The following SORCS2 variants were observed in gnomAD, a reference collection of about 807,000 sequenced individuals.
The protein encoded by SORCS2 is sortilin related VPS10 domain containing receptor 2.
SORCS2 carries 100 observed loss-of-function variants against 141.6 expected under a neutral mutation model. The observed-to-expected ratio is 0.71, with a 90% confidence interval of 0.60 to 0.83. SORCS2 has a LOEUF of 0.83. SORCS2 is among the 40% of genes least tolerant of loss of function. The pLI, the probability that SORCS2 is intolerant of heterozygous loss-of-function variation, is 0.00. For missense variants in SORCS2, 1,646 were observed against 1,560.2 expected, an observed-to-expected ratio of 1.05 and a Z score of -0.93; for synonymous variants, 789 against 676.9, an observed-to-expected ratio of 1.17 and a Z score of -2.57.
intron 1 of SORCS2, among the ~76,000 whole-genome samples, chr4:7,367,662 C>T (rs190182182): frequency 7.1e-4 from 108 of 152,348 alleles, no homozygotes; most frequent in African/African-American, 1.3e-3. Flanking sequence ...CCAGGCCTGA[C>T]GCTTGCATAC....
At chr4:7,565,224 A>G (rs1203009511) in intron 3 of SORCS2, among the ~76,000 whole-genome samples, 1 of 152,150 alleles carries the variant, frequency 6.6e-6, no homozygotes, top group African/African-American at 2.4e-5. Context: ...ACTGTTTCCA[A>G]ACAACTTCCC....
chr4:7,614,826 T>C (rs1212500629), intron 3 of SORCS2, among the ~76,000 whole-genome samples: 1 of 149,238 alleles, frequency 6.7e-6, no homozygotes, highest in Non-Finnish European at 1.5e-5. Flanking sequence ...CACCATCCAT[T>C]CATCCATCCA....
At chr4:7,230,916 A>G (rs1476952468) in intron 1 of SORCS2, among the ~76,000 whole-genome samples, 4 of 152,250 alleles carry the variant, frequency 2.6e-5, no homozygotes, top group African/African-American at 9.6e-5. Context: ...TATGAAGGAG[A>G]TGAAGACACC....
At chr4:7,614,538 A>G (rs192711532) in intron 3 of SORCS2, among the ~76,000 whole-genome samples, 212 of 149,274 alleles carry the variant, frequency 1.4e-3, no homozygotes, top group Non-Finnish European at 2.1e-3. Flanking sequence ...TCCACCATGC[A>G]TTTATCCATC....
At chr4:7,342,795 A>C (rs991176462) in intron 1 of SORCS2, among the ~76,000 whole-genome samples, 5 of 152,224 alleles carry the variant, frequency 3.3e-5, no homozygotes, top group Non-Finnish European at 2.9e-5. Flanking sequence ...GGCGGTAATT[A>C]TAACGGTTGT....
intron 1 of SORCS2, among the ~76,000 whole-genome samples, chr4:7,365,630 G>A (rs530528563): frequency 7.9e-5 from 12 of 152,160 alleles, no homozygotes; most frequent in Non-Finnish European, 1.6e-4. Context: ...AAGAGACACC[G>A]CCCGCCTGCC....
intron 3 of SORCS2, among the ~76,000 whole-genome samples, chr4:7,614,173 C>T (rs1718604263): frequency 6.6e-6 from 1 of 151,718 alleles, no homozygotes; most frequent in Non-Finnish European, 1.5e-5. Flanking sequence ...ATCCACCATC[C>T]ACCCATCAAT....
At chr4:7,436,837 G>T (rs1727336408) in intron 2 of SORCS2, among the ~76,000 whole-genome samples, 6 of 152,190 alleles carry the variant, frequency 3.9e-5, no homozygotes, top group Admixed American at 3.9e-4. Flanking sequence ...GTATGTCTTG[G>T]ATGCACACGT....
chr4:7,686,724 C>T (rs1723902143), intron 10 of SORCS2, among the ~76,000 whole-genome samples: 1 of 152,250 alleles, frequency 6.6e-6, no homozygotes. Context: ...CACCTCCAAG[C>T]CTGCCGGCAT....
chr4:7,728,907 C>A (rs1036310015), intron 22 of SORCS2, among the ~76,000 whole-genome samples: 2 of 152,210 alleles, frequency 1.3e-5, no homozygotes, highest in African/African-American at 4.8e-5. Context: ...GGCTGTAGCA[C>A]ACCCAAGGCC....
intron 3 of SORCS2, among the ~76,000 whole-genome samples, chr4:7,559,118 T>C (rs940797785): frequency 3.9e-5 from 6 of 152,016 alleles, no homozygotes; most frequent in African/African-American, 1.4e-4. Flanking sequence ...CGGGGAGGGG[T>C]TCCCTCTGCC....
chr4:7,703,345 C>G lies in SORCS2; in HGVS notation c.1734C>G (p.Asp578Glu). 1 of 1,613,450 alleles carries G rather than the reference C, an allele frequency of 6.2e-7. No individual in the cohort carries two copies. The highest frequency in any genetic ancestry group is 8.5e-7 in the Non-Finnish European group (1 of 1,179,684). ...DHGGVIVAIK[D>E]TSIPLKILKF... ...GCGGCGTGATCGTGGCCATCAAAGA[C>G]ACCTCCATCCCTTTGAAGATCCTCA... Residue 578 changes from aspartate (D) to glutamate (E), a missense_variant, in exon 13 of 27, where the codon GAC becomes GAG. Transcript: ENST00000507866.
chr4:7,675,949 A>C, intron 8 of SORCS2, 101 bp from the exon 9 acceptor site: 3 of 1,355,900 alleles, frequency 2.2e-6, no homozygotes, highest in Non-Finnish European at 2.0e-6. Flanking sequence ...CAGGAGAGCC[A>C]GGGGTCTTCT....
intron 1 of SORCS2, among the ~76,000 whole-genome samples, chr4:7,320,461 G>A (rs950555913): frequency 3.9e-5 from 6 of 152,248 alleles, no homozygotes; most frequent in Non-Finnish European, 7.3e-5. Flanking sequence ...CACCTGGAGA[G>A]TGATATTACC....
intron 14 of SORCS2, among the ~76,000 whole-genome samples, chr4:7,707,825 G>A (rs1331425330): frequency 6.6e-6 from 1 of 152,252 alleles, no homozygotes; most frequent in African/African-American, 2.4e-5. Flanking sequence ...ATGGGGATGA[G>A]CTTGTGCAAG....
chr4:7,316,859 C>G (rs1009877615), intron 1 of SORCS2, among the ~76,000 whole-genome samples: 4 of 152,140 alleles, frequency 2.6e-5, no homozygotes, highest in South Asian at 4.1e-4. Context: ...AAGTGAGACC[C>G]CAGGGGCTGG....
intron 11 of SORCS2, among the ~76,000 whole-genome samples, chr4:7,690,349 G>A (rs977208215): frequency 7.3e-5 from 11 of 150,196 alleles, no homozygotes; most frequent in African/African-American, 2.7e-4. Context: ...GTGGGTGTGT[G>A]GATGGATGGA....
At chr4:7,488,302 C>T (rs1560326355) in intron 2 of SORCS2, among the ~76,000 whole-genome samples, 1 of 152,194 alleles carries the variant, frequency 6.6e-6, no homozygotes, top group African/African-American at 2.4e-5. Flanking sequence ...AGAAAGCGGC[C>T]GCAGTTGTGC....
At chr4:7,533,710 A>G (rs1337725811) in intron 3 of SORCS2, among the ~76,000 whole-genome samples, 2 of 152,242 alleles carry the variant, frequency 1.3e-5, no homozygotes, top group African/African-American at 4.8e-5. Context: ...AGGTCAGGCA[A>G]GGTGTCACAT....
Sources: allele counts gnomAD v4.1 joint callset (sites outside exome capture counted in the v4.1 genomes callset), GRCh38; gene constraint gnomAD v4.1.1; transcripts MANE v1.5; gene names NCBI Gene and HGNC (gene_info 2026-07-23, HGNC 2026-07-21).